The following DNM3 variants were observed in gnomAD, a reference collection of about 807,000 sequenced individuals.
DNM3 encodes the protein dynamin-3.
A neutral mutation model predicts 101.6 loss-of-function variants in DNM3; 47 were observed. That is an observed-to-expected ratio of 0.46 (90% CI 0.37 to 0.59). DNM3 has a LOEUF of 0.59. Among genes scored for constraint, DNM3 ranks in the 20% least tolerant of loss-of-function variants. DNM3 has a pLI of 0.00. For missense variants in DNM3, 849 were observed against 1,085.7 expected (o/e 0.78, Z 3.06); for synonymous variants, 385 against 387.9 (o/e 0.99, Z 0.09).
intron 16 of DNM3, among the ~76,000 whole-genome samples, chr1:172,318,902 G>T (rs1287202349): frequency 6.6e-6 from 1 of 152,074 alleles, no homozygotes; most frequent in Admixed American, 6.5e-5. Context: ...AAGTTCATGT[G>T]GAACCAAAAA....
chr1:172,228,193 G>A (rs2061206742), intron 14 of DNM3, among the ~76,000 whole-genome samples: 1 of 151,580 alleles, frequency 6.6e-6, no homozygotes, highest in African/African-American at 2.4e-5. Context: ...CAGGTTTTAT[G>A]CCAAATGTCT....
At chr1:172,162,265 T>A (rs1345912305) in intron 14 of DNM3, among the ~76,000 whole-genome samples, 2 of 151,794 alleles carry the variant, frequency 1.3e-5, no homozygotes, top group African/African-American at 4.9e-5. Context: ...TATAATATAT[T>A]GACGTATCTG....
chr1:172,034,407 C>G (rs2048820350), intron 6 of DNM3, among the ~76,000 whole-genome samples: 1 of 151,818 alleles, frequency 6.6e-6, no homozygotes, highest in Non-Finnish European at 1.5e-5. Flanking sequence ...GCTGTATTTG[C>G]CTACAAAAAA....
chr1:171,850,767 G>GTT (rs367677909), intron 1 of DNM3, among the ~76,000 whole-genome samples: 54 of 139,838 alleles, frequency 3.9e-4, no homozygotes, highest in Middle Eastern at 3.8e-3. Context: ...TTAGGGCTTT[G>GTT]TTTTTTTTTT....
At chr1:172,048,500 G>A in intron 9 of DNM3, 112 bp from the exon 10 acceptor site, 2 of 1,256,580 alleles carry the variant, frequency 1.6e-6, no homozygotes, top group Non-Finnish European at 2.1e-6. Context: ...TTTAAACTTG[G>A]TCTATTACAT....
chr1:172,322,910 A>G lies in DNM3; in HGVS notation c.1882-419A>G, dbSNP rs541584318. On this transcript the variant is annotated intron_variant, in intron 16 of 20. Coordinates refer to ENST00000627582, the MANE Select transcript of DNM3 (RefSeq NM_015569.5). ...CTGATGAAATTTTCCACTGCTTGGCATGTTGGAGGAGGAGCTGTCAGGAAA... is the reference window on the plus strand; with the variant it reads ...CTGATGAAATTTTCCACTGCTTGGCGTGTTGGAGGAGGAGCTGTCAGGAAA... Among the ~76,000 whole-genome samples, 211 of 151,090 alleles carry G rather than the reference A, an allele frequency of 1.4e-3. 2 individuals carry two copies. In the South Asian group the frequency reaches 0.023, roughly 16 times the overall value.
At position 172,127,365 on chromosome 1, in the gene DNM3, C is replaced by A. The variant is rs1397922568; in HGVS notation, c.1546-3810C>A. ...TGTCCTTGTATCCTCTTTATTGTAT[C>A]GCCAATCTCTTACTCTCTACTTATT... On this transcript the variant is annotated intron_variant, in intron 13 of 20. Transcript: ENST00000627582. Among the ~76,000 whole-genome samples the A allele has an allele frequency of 3.3e-5, 5 of 149,262 alleles. No individual in the cohort carries two copies. The East Asian group carries it at 9.8e-4, about 29-fold the overall frequency.
At chr1:172,228,997 G>A (rs1300007906) in intron 14 of DNM3, among the ~76,000 whole-genome samples, 1 of 152,096 alleles carries the variant, frequency 6.6e-6, no homozygotes, top group African/African-American at 2.4e-5. Context: ...AATGCAAGCT[G>A]TACCTCAGAA....
intron 17 of DNM3, among the ~76,000 whole-genome samples, chr1:172,346,718 A>G (rs1186885045): frequency 6.6e-6 from 1 of 152,236 alleles, no homozygotes; most frequent in African/African-American, 2.4e-5. Flanking sequence ...AAAATGAATT[A>G]AAAGGAAAGA....
intron 2 of DNM3, among the ~76,000 whole-genome samples, chr1:171,967,846 C>T (rs2125532299): frequency 6.6e-6 from 1 of 152,262 alleles, no homozygotes; most frequent in South Asian, 2.1e-4. Context: ...ATAATATATA[C>T]CTTACAGGTC....
rs183522922 is a variant in DNM3, at chr1:171,974,643, A to C, written c.236-13013A>C. Among the ~76,000 whole-genome samples, 31 of 152,342 alleles carry C rather than the reference A, an allele frequency of 2.0e-4. No individual in the cohort carries two copies. The East Asian group carries it at 6.0e-3, about 29-fold the overall frequency. On this transcript the variant is annotated intron_variant, in intron 2 of 20. Transcript: ENST00000627582. ...TGTTAGCATCATTTAAACTGACTGC[A>C]TAATGCATTAGGTTTTACTGAGTGC...
intron 14 of DNM3, among the ~76,000 whole-genome samples, chr1:172,223,161 C>G (rs139631257): frequency 7.9e-5 from 12 of 152,010 alleles, no homozygotes; most frequent in South Asian, 2.1e-4. Flanking sequence ...TGCAATAGAG[C>G]ACCAAAACTT....
In DNM3 at chr1:171,865,585, C is replaced by G. The variant is rs1033778450; in HGVS notation, c.161+23768C>G. On this transcript the variant is annotated intron_variant, in intron 1 of 20. Transcript: ENST00000627582. The stretch of plus-strand genomic sequence containing the variant: ...GAGGCAGGACCAAGGTAAGATAAAA[C>G]CAAGAAATGGAGAATGAAAAATTCC... Among the ~76,000 whole-genome samples the G allele has an allele frequency of 3.5e-5, 5 of 142,872 alleles. No individual in the cohort carries two copies. In the East Asian group the frequency reaches 6.1e-4, roughly 17 times the overall value. The allele number at this position is 142,872 out of a possible 152,430, so 93.7% of individuals were successfully genotyped here.
At chr1:172,135,594 C>T (rs1230524462) in intron 14 of DNM3, among the ~76,000 whole-genome samples, 1 of 151,414 alleles carries the variant, frequency 6.6e-6, no homozygotes, top group Non-Finnish European at 1.5e-5. Context: ...AAATTAATTT[C>T]CCAATGTTGT....
intron 4 of DNM3, among the ~76,000 whole-genome samples, chr1:171,998,639 C>A (rs2046166471): frequency 6.6e-6 from 1 of 151,892 alleles, no homozygotes; most frequent in South Asian, 2.1e-4. Context: ...GGGGAAACAG[C>A]CAGATAACAG....
At chr1:172,240,257 G>C (rs1427470695) in intron 14 of DNM3, among the ~76,000 whole-genome samples, 1 of 152,152 alleles carries the variant, frequency 6.6e-6, no homozygotes, top group East Asian at 1.9e-4. Context: ...TCATTAATTT[G>C]GTTATTTGGC....
At chr1:172,277,819 A>T (rs1396053962) in intron 15 of DNM3, among the ~76,000 whole-genome samples, 4 of 152,096 alleles carry the variant, frequency 2.6e-5, no homozygotes, top group Admixed American at 2.0e-4. Context: ...CCCAAATTGA[A>T]AACTACTAGA....
chr1:171,998,548 T>TG lies in DNM3; in HGVS notation c.589+9401dup, dbSNP rs549825806. Among the ~76,000 whole-genome samples, 3 of 152,268 alleles carry TG rather than the reference T, an allele frequency of 2.0e-5. No individual in the cohort carries two copies. In the South Asian group the frequency reaches 6.2e-4, roughly 32 times the overall value. ...AAATAATGAATGCTCACTTACTATG[T>TG]GTCAAGTACCATTCTTATCATCAGG... On this transcript the variant is annotated intron_variant, in intron 4 of 20. Coordinates refer to ENST00000627582, the MANE Select transcript of DNM3 (RefSeq NM_015569.5).
chr1:172,024,402 C>A (rs1211169435), intron 4 of DNM3, among the ~76,000 whole-genome samples: 3 of 152,152 alleles, frequency 2.0e-5, no homozygotes, highest in Non-Finnish European at 4.4e-5. Flanking sequence ...ATATCCTATT[C>A]AAAAATCCAG....
Sources: allele counts gnomAD v4.1 joint callset (sites outside exome capture counted in the v4.1 genomes callset), GRCh38; gene constraint gnomAD v4.1.1; transcripts MANE v1.5; gene names NCBI Gene and HGNC (gene_info 2026-07-23, HGNC 2026-07-21).